The following EYS variants were observed in gnomAD, a reference collection of about 807,000 sequenced individuals.
EYS encodes EGF-like photoreceptor maintenance factor.
In EYS, 250 loss-of-function variants were observed where a neutral mutation model predicts 282.1. The ratio of observed to expected loss-of-function variants is 0.89; its 90% CI spans 0.80 to 0.98. The LOEUF is 0.98. Among genes scored for constraint, EYS ranks in the 50% least tolerant of loss-of-function variants. The probability of loss-of-function intolerance (pLI) is 0.00; values close to 1 mark genes in which losing one functional copy is unlikely to be tolerated. For synonymous variants in EYS, 1,355 were observed against 1,282.9 expected (o/e 1.06, Z -1.20); for missense variants, 4,016 against 3,709.0 (o/e 1.08, Z -2.15).
intron 36 of EYS, among the ~76,000 whole-genome samples, chr6:63,856,512 T>C (rs1218651265): frequency 2.0e-5 from 3 of 152,178 alleles, no homozygotes; most frequent in South Asian, 2.1e-4. Flanking sequence ...CAGAGTTTGA[T>C]AGTGAATAGT....
chr6:65,301,523 G>T (rs148781717), intron 11 of EYS, among the ~76,000 whole-genome samples: 2 of 152,236 alleles, frequency 1.3e-5, no homozygotes, highest in East Asian at 3.9e-4. Context: ...GACGACGGAC[G>T]GCAGCGGCCA....
At chr6:64,827,571 A>G (rs180766370) in intron 19 of EYS, among the ~76,000 whole-genome samples, 1 of 151,974 alleles carries the variant, frequency 6.6e-6, no homozygotes, top group Non-Finnish European at 1.5e-5. Context: ...TAATAGCATG[A>G]TATTTACAAA....
intron 31 of EYS, among the ~76,000 whole-genome samples, chr6:64,119,418 G>A (rs1562210573): frequency 6.6e-6 from 1 of 152,110 alleles, no homozygotes. Context: ...ATCACTAAAA[G>A]TTACCTACAA....
intron 8 of EYS, among the ~76,000 whole-genome samples, chr6:65,360,194 T>C (rs1263430520): frequency 6.6e-6 from 1 of 151,692 alleles, no homozygotes; most frequent in Non-Finnish European, 1.5e-5. Context: ...GTTTAAGTAC[T>C]AATAAATTAT....
chr6:64,446,185 A>G (rs1775110974), intron 26 of EYS, among the ~76,000 whole-genome samples: 1 of 152,154 alleles, frequency 6.6e-6, no homozygotes, highest in Non-Finnish European at 1.5e-5. Context: ...GGTGGTTGCT[A>G]GTTGCCAGCT....
chr6:65,173,923 C>T (rs1331577840), intron 12 of EYS, among the ~76,000 whole-genome samples: 1 of 151,216 alleles, frequency 6.6e-6, no homozygotes, highest in East Asian at 2.0e-4. Flanking sequence ...ACTAAAATTT[C>T]ATACATAGCC....
intron 37 of EYS, among the ~76,000 whole-genome samples, chr6:63,805,058 AAG>A (rs150950936): frequency 0.037 from 5,647 of 152,238 alleles, 183 homozygotes; most frequent in South Asian, 0.11. Context: ...GTTTGGTATT[AAG>A]AGACAGTCAC....
intron 35 of EYS, among the ~76,000 whole-genome samples, chr6:63,919,065 C>T (rs549635209): frequency 6.6e-6 from 1 of 152,046 alleles, no homozygotes; most frequent in Non-Finnish European, 1.5e-5. Context: ...TGCTCTGAGG[C>T]CATTTTTCTA....
In EYS at chr6:65,402,593, T is replaced by C. The variant is rs1391157136; in HGVS notation, c.1069A>G (p.Ile357Val). 1 of 1,576,208 alleles carries C rather than the reference T, an allele frequency of 6.3e-7. No individual in the cohort carries two copies. Among genetic ancestry groups the C allele is most frequent in the Non-Finnish European group, 8.7e-7 (1 of 1,146,688 alleles). The part of the protein sequence containing the change: ...CIKISNDVMC[I>V]CSPIFTDLLC... ...AAATCTGTAAATATTGGTGAACAGA[T>C]GCACATAACATCCTAGGAAAGATTA... Residue 357 changes from isoleucine to valine, a missense_variant, in exon 7 of 43, where the codon ATC becomes GTC. By Grantham distance (29) the Ile-to-Val change is conservative (BLOSUM62 3). Transcript: ENST00000503581.
intron 2 of EYS, among the ~76,000 whole-genome samples, chr6:65,511,984 CAAAAAAAAAAAA>C (rs11368301): frequency 0.28 from 26,880 of 96,030 alleles, 2,976 homozygotes; most frequent in East Asian, 0.4. Context: ...AACTCTGTCT[CAAAAAAAAAAAA>C]AAAAAAAAAA....
intron 6 of EYS, 118 bp downstream of exon 6, chr6:65,405,056 C>T: frequency 2.8e-6 from 2 of 716,594 alleles, no homozygotes; most frequent in South Asian, 1.9e-5. Context: ...TCTTGTTCGT[C>T]TGAGTTTAAC....
chr6:64,374,092 G>A (rs559121818), intron 29 of EYS, among the ~76,000 whole-genome samples: 23 of 151,668 alleles, frequency 1.5e-4, no homozygotes, highest in Admixed American at 9.2e-4. Context: ...TACTAGTGGC[G>A]GGGCAGGTAA....
chr6:64,369,647 A>T (rs895749369), intron 29 of EYS, among the ~76,000 whole-genome samples: 1 of 152,044 alleles, frequency 6.6e-6, no homozygotes, highest in East Asian at 1.9e-4. Flanking sequence ...ATTACAGAAC[A>T]TTGATCAAAA....
At chr6:65,229,745 A>G (rs1766720439) in intron 12 of EYS, among the ~76,000 whole-genome samples, 1 of 151,986 alleles carries the variant, frequency 6.6e-6, no homozygotes, top group Middle Eastern at 3.2e-3. Flanking sequence ...AATGTTGAAG[A>G]AAGTGACAAT....
intron 26 of EYS, among the ~76,000 whole-genome samples, chr6:64,581,612 T>C (rs898948550): frequency 6.6e-6 from 1 of 152,146 alleles, no homozygotes; most frequent in Non-Finnish European, 1.5e-5. Flanking sequence ...ACATCAAAAT[T>C]ACATAATTCA....
chr6:65,202,596 C>G (rs1296090307), intron 12 of EYS, among the ~76,000 whole-genome samples: 1 of 152,064 alleles, frequency 6.6e-6, no homozygotes, highest in African/African-American at 2.4e-5. Flanking sequence ...GGGGAGGAGT[C>G]CACACTGTCA....
chr6:65,321,768 G>A (rs1177302655), intron 11 of EYS, among the ~76,000 whole-genome samples: 3 of 152,222 alleles, frequency 2.0e-5, no homozygotes, highest in African/African-American at 7.2e-5. Flanking sequence ...AAGATGTTGT[G>A]TGAGCTGGTA....
In EYS at chr6:65,259,483, A is replaced by T. The variant is rs115918586; in HGVS notation, c.2023+36380T>A. On this transcript the variant is annotated intron_variant, in intron 12 of 42. Transcript: ENST00000503581. ...CCTGAGAGAGACATTGAATAAATTT[A>T]AAAAAAATGGTTGATGTGTTTTTAT... is the stretch of plus-strand genomic sequence containing the variant. Among the ~76,000 whole-genome samples, 180 of 152,038 alleles carry T rather than the reference A, an allele frequency of 1.2e-3. 1 individual carries two copies. The highest frequency in any genetic ancestry group is 2.0e-3 in the African/African-American group (85 of 41,508).
intron 24 of EYS, among the ~76,000 whole-genome samples, chr6:64,609,757 C>T (rs1017441149): frequency 8.6e-5 from 13 of 151,964 alleles, no homozygotes; most frequent in Non-Finnish European, 1.6e-4. Context: ...TGTGGGAACA[C>T]ATGTCTGTAC....
Sources: allele counts gnomAD v4.1 joint callset (sites outside exome capture counted in the v4.1 genomes callset), GRCh38; gene constraint gnomAD v4.1.1; transcripts MANE v1.5; gene names NCBI Gene and HGNC (gene_info 2026-07-23, HGNC 2026-07-21).